SLC44A5: variants seen among roughly 807,000 people sequenced by gnomAD.
SLC44A5 encodes the protein choline transporter-like protein 5.
Under a neutral mutation model 101.8 loss-of-function variants are expected in SLC44A5, and 57 were observed. The observed-to-expected ratio is 0.56, with a 90% CI of 0.45 to 0.70. SLC44A5 has a LOEUF of 0.70. Ranked by LOEUF, SLC44A5 falls within the 30% of genes least tolerant of loss-of-function variation. The pLI, the probability that SLC44A5 is intolerant of heterozygous loss-of-function variation, is 0.00. For missense variants in SLC44A5, 737 were observed against 853.1 expected, an observed-to-expected ratio of 0.86 and a Z score of 1.70; for synonymous variants, 281 against 290.9, an observed-to-expected ratio of 0.97 and a Z score of 0.35.
intron 3 of SLC44A5, among the ~76,000 whole-genome samples, chr1:75,355,709 G>GCACAAA (rs1333431900): frequency 3.3e-5 from 5 of 152,092 alleles, no homozygotes; most frequent in African/African-American, 1.2e-4. Context: ...TAACTTCATA[G>GCACAAA]CACAAAGCAT....
chr1:75,298,276 T>C (rs1345600540), intron 5 of SLC44A5, among the ~76,000 whole-genome samples: 2 of 150,964 alleles, frequency 1.3e-5, no homozygotes, highest in Non-Finnish European at 2.9e-5. Context: ...AGGCTATATA[T>C]AGTTCAGGGA....
rs1283336667 is a variant in SLC44A5 at position 75,213,940 on chromosome 1, G to A, written c.1852C>T (p.Leu618Phe). 6.3e-7 allele frequency: 1 copy of A among 1,594,686 alleles called. No individual in the cohort carries two copies. Among genetic ancestry groups the A allele is most frequent in the African/African-American group, 1.4e-5 (1 of 73,792 alleles). ...VTYFVLFLGKLLVAGSIGVLA... is the reference protein window; with the variant it reads ...VTYFVLFLGKFLVAGSIGVLA... The stretch of plus-strand genomic sequence containing the variant: ...TTACCTATACTTCCAGCAACTAGAA[G>A]TTTCCCCAGGAATAATACAAAGTAT... Residue 618 changes from leucine to phenylalanine, a missense_variant, in exon 21 of 24, where the codon CTT becomes TTT. Leu to Phe is a conservative substitution (Grantham distance 22, BLOSUM62 0). This residue lies in a region of SLC44A5 where 665 missense variants were observed against 764.4 expected (regional missense o/e 0.87). Coordinates refer to ENST00000370859, the MANE Select transcript of SLC44A5 (RefSeq NM_001130058.2).
At chr1:75,697,360 C>T in the SLC44A5 span, among the ~76,000 whole-genome samples, 2 of 152,174 alleles carry the variant, frequency 1.3e-5, no homozygotes, top group South Asian at 2.1e-4. Context: ...AAGAATCTGA[C>T]AAGTTCATAG....
At chr1:75,385,896 G>C (rs1488666114) in intron 3 of SLC44A5, among the ~76,000 whole-genome samples, 3 of 152,018 alleles carry the variant, frequency 2.0e-5, no homozygotes, top group African/African-American at 7.3e-5. Flanking sequence ...ATGCAAGGCT[G>C]GTTCAATATA....
intron 1 of SLC44A5, among the ~76,000 whole-genome samples, chr1:75,587,037 C>T (rs893905004): frequency 6.6e-6 from 1 of 152,028 alleles, no homozygotes; most frequent in African/African-American, 2.4e-5. Context: ...CCCTAGAAGA[C>T]ATTTGGCTAT....
chr1:75,333,988 T>C (rs1657254985), intron 4 of SLC44A5, among the ~76,000 whole-genome samples: 1 of 152,204 alleles, frequency 6.6e-6, no homozygotes. Flanking sequence ...CCTGAATGCT[T>C]TGACCCTAGA....
intron 3 of SLC44A5, among the ~76,000 whole-genome samples, chr1:75,367,797 A>G (rs1659960479): frequency 6.6e-6 from 1 of 152,222 alleles, no homozygotes; most frequent in African/African-American, 2.4e-5. Flanking sequence ...AACAGCTGTC[A>G]TCAGTCTTAG....
chr1:75,360,528 T>A (rs1490615693), intron 3 of SLC44A5, among the ~76,000 whole-genome samples: 1 of 152,158 alleles, frequency 6.6e-6, no homozygotes, highest in African/African-American at 2.4e-5. Flanking sequence ...TACATTTGGA[T>A]ATCCAGTTTT....
chr1:75,704,543 T>G, the SLC44A5 span, among the ~76,000 whole-genome samples: 9 of 152,214 alleles, frequency 5.9e-5, no homozygotes, highest in African/African-American at 2.2e-4. Flanking sequence ...CTAAAAAATC[T>G]GCACCTATTT....
chr1:75,287,984 G>C (rs958755008), intron 5 of SLC44A5, among the ~76,000 whole-genome samples: 1 of 152,158 alleles, frequency 6.6e-6, no homozygotes, highest in African/African-American at 2.4e-5. Context: ...GCTTGCTCTA[G>C]GGTTGTGTGG....
chr1:75,536,173 T>C (rs1670987339), intron 2 of SLC44A5, among the ~76,000 whole-genome samples: 1 of 152,222 alleles, frequency 6.6e-6, no homozygotes. Context: ...TGCTCAGCTC[T>C]GTAACCTTGA....
intron 5 of SLC44A5, among the ~76,000 whole-genome samples, chr1:75,276,252 T>A (rs1651911594): frequency 6.6e-6 from 1 of 152,118 alleles, no homozygotes; most frequent in Admixed American, 6.6e-5. Context: ...CCGTCTCTAT[T>A]TCCCAGAATA....
At chr1:75,496,585 C>A in intron 2 of SLC44A5, among the ~76,000 whole-genome samples, 1 of 148,256 alleles carries the variant, frequency 6.7e-6, no homozygotes, top group South Asian at 2.1e-4. Flanking sequence ...ACATCACAAG[C>A]ACACAAGGAA....
In SLC44A5 at chr1:75,509,851, A is replaced by G. The variant is rs192377090; in HGVS notation, c.13+31584T>C. ...CTGGTAAAGATTCATATGGATTTCT[A>G]TGTGTAGTAGTCTGTTCTCATGATG... On this transcript the variant is annotated intron_variant, in intron 2 of 23. Transcript: ENST00000370859. Among the ~76,000 whole-genome samples, 372 of 152,286 alleles carry G rather than the reference A, an allele frequency of 2.4e-3. 2 individuals carry two copies. The highest frequency in any genetic ancestry group is 8.5e-3 in the South Asian group (41 of 4,830).
the SLC44A5 span, among the ~76,000 whole-genome samples, chr1:75,643,593 G>A: frequency 6.6e-6 from 1 of 152,164 alleles, no homozygotes; most frequent in Non-Finnish European, 1.5e-5. Context: ...TGTCATAGGA[G>A]GGGCCCAGTG....
intron 6 of SLC44A5, among the ~76,000 whole-genome samples, chr1:75,259,332 T>C (rs138471212): frequency 0.023 from 3,550 of 152,204 alleles, 67 homozygotes; most frequent in Non-Finnish European, 0.038. Context: ...GAGAAGAACA[T>C]AAATGACCTG....
chr1:75,486,126 T>C (rs1668136095), intron 2 of SLC44A5, among the ~76,000 whole-genome samples: 1 of 152,168 alleles, frequency 6.6e-6, no homozygotes, highest in South Asian at 2.1e-4. Flanking sequence ...AACAACAATA[T>C]GACAACATTT....
chr1:75,219,879 C>G lies in SLC44A5; in HGVS notation c.1099G>C (p.Val367Leu), dbSNP rs1213026476. ...LKEGSKAIGYVPSTLVYPALT... is the reference protein window; with the variant it reads ...LKEGSKAIGYLPSTLVYPALT... Reference sequence around the variant, plus strand: ...GCTGGATAGACTAATGTACTAGGAACATATCCAATGGCTCTGAAATAAAAC... The same window carrying G: ...GCTGGATAGACTAATGTACTAGGAAGATATCCAATGGCTCTGAAATAAAAC... Residue 367 changes from valine (V) to leucine (L), a missense_variant, in exon 15 of 24, where the codon GTT becomes CTT. This residue lies in a region of SLC44A5 where 665 missense variants were observed against 764.4 expected (regional missense o/e 0.87). Transcript: ENST00000370859. 1 of 1,605,266 alleles carries G rather than the reference C, an allele frequency of 6.2e-7. No individual in the cohort carries two copies. Among genetic ancestry groups the G allele is most frequent in the Non-Finnish European group, 8.5e-7 (1 of 1,174,058 alleles).
At chr1:75,521,339 G>A (rs1342530987) in intron 2 of SLC44A5, among the ~76,000 whole-genome samples, 1 of 152,140 alleles carries the variant, frequency 6.6e-6, no homozygotes, top group East Asian at 1.9e-4. Flanking sequence ...GGGATGAAGT[G>A]CAGACAGCAC....
Sources: gnomAD v4.1 joint callset for allele counts (sites outside exome capture counted in the v4.1 genomes callset) on GRCh38, gnomAD v4.1.1 for gene constraint, gnomAD v4.1.1 regional missense constraint, MANE v1.5 for transcripts, NCBI Gene and HGNC (gene_info 2026-07-23, HGNC 2026-07-21) for gene names.